Variants in EIF3A observed in about 807,000 individuals in gnomAD.
EIF3A encodes EIF3, p180 subunit.
A neutral mutation model predicts 186.6 loss-of-function variants in EIF3A; 21 were observed. The ratio of observed to expected loss-of-function variants is 0.11; its 90% CI spans 0.08 to 0.16. The LOEUF (loss-of-function observed/expected upper bound fraction) is 0.16. EIF3A is among the 10% of genes least tolerant of loss of function. The pLI, the probability that EIF3A is intolerant of heterozygous loss-of-function variation, is 1.00. For synonymous variants in EIF3A, 563 were observed against 584.3 expected, an observed-to-expected ratio of 0.96 and a Z score of 0.52; for missense variants, 1,306 against 1,796.3, an observed-to-expected ratio of 0.73 and a Z score of 4.93.
chr10:119,042,625 G>A lies in EIF3A; in HGVS notation c.2895C>T (p.Asp965=), dbSNP rs1260007611. 1 of 1,614,098 alleles carries A rather than the reference G, an allele frequency of 6.2e-7. No homozygotes were observed. The highest frequency in any genetic ancestry group is 2.2e-5 in the East Asian group (1 of 44,870). ...DRVPRRGMDD[D]RGPRRGPEED... ...CCTCAGGACCACGTCTAGGGCCTCT[G>A]TCATCATCCATGCCACGCCGGGGAA... Residue 965 remains aspartate, a synonymous_variant, in exon 19 of 22, where the codon GAC becomes GAT. Transcript: ENST00000369144. This position sits in a 1 kb window ranked among gnomAD's most constrained non-coding sequence, Gnocchi z 7.8.
Position 119,071,002 on chromosome 10 carries a change from G to C in EIF3A, c.625C>G (p.Gln209Glu), listed in dbSNP as rs1293794819. ...GCCGTACTTTGGTTATGGTGGCGCT[G>C]AATCTGCGATAAGTGCATTCTCAAA... The part of the protein sequence containing the change: ...DNLRMHLSQI[Q>E]RHHNQSTAIN... The change falls in exon 5 of 22, where the codon CAG becomes GAG. Residue 209 changes from glutamine to glutamate, a missense_variant. Transcript: ENST00000369144. 2 of 1,614,062 alleles carry C rather than the reference G, an allele frequency of 1.2e-6. No homozygotes were observed. Among genetic ancestry groups the C allele is most frequent in the Non-Finnish European group, 1.7e-6 (2 of 1,179,898 alleles).
chr10:119,059,736 G>C lies in EIF3A; in HGVS notation c.1327-18C>G. On this transcript the variant is annotated intron_variant, in intron 9 of 21. Coordinates refer to ENST00000369144, the MANE Select transcript of EIF3A (RefSeq NM_003750.4). ...TGTGACACCTGCATAGAAAACAAAG[G>C]GTTAATAACACTAGCCACTGTTTAT... 6.6e-7 allele frequency: 1 copy of C among 1,511,316 alleles called. No individual in the cohort carries two copies. Among genetic ancestry groups the C allele is most frequent in the South Asian group, 1.1e-5 (1 of 88,764 alleles). The allele number at this position is 1,511,316 out of a possible 1,614,324, so 93.6% of individuals were successfully genotyped here.
intron 19 of EIF3A, among the ~76,000 whole-genome samples, chr10:119,039,938 A>C (rs1848185703): frequency 1.3e-5 from 2 of 152,226 alleles, no homozygotes; most frequent in Non-Finnish European, 2.9e-5. Flanking sequence ...TTACCCTAGG[A>C]ACATGAGTTC....
At chr10:119,061,165 C>A (rs1381812420) in intron 8 of EIF3A, 59 bp downstream of exon 8, 2 of 955,718 alleles carry the variant, frequency 2.1e-6, no homozygotes, top group South Asian at 1.6e-5. Context: ...GAATACAACC[C>A]AAAACTGCAA....
At position 119,042,784 on chromosome 10, in the gene EIF3A, C is replaced by G. The variant is rs777763586; in HGVS notation, c.2748-12G>C. 1.1e-5 allele frequency: 17 copies of G among 1,554,468 alleles called. No homozygotes were observed. Among genetic ancestry groups the G allele is most frequent in the Non-Finnish European group, 1.3e-5 (15 of 1,157,322 alleles). On this transcript the variant is annotated splice_polypyrimidine_tract_variant and intron_variant, in intron 18 of 21. Coordinates refer to ENST00000369144, the MANE Select transcript of EIF3A (RefSeq NM_003750.4). The surrounding 1 kb of genome is among the most constrained non-coding windows in gnomAD (Gnocchi z 7.8). Reference sequence around the variant, plus strand: ...CACGTCTCCACTCCCTACACAGCAACAAGAACAATTAAAAATATATAAAAT... The same window carrying G: ...CACGTCTCCACTCCCTACACAGCAAGAAGAACAATTAAAAATATATAAAAT...
In EIF3A at chr10:119,058,083, T is replaced by C. The variant is rs1334600633; in HGVS notation, c.1850A>G (p.Lys617Arg). ...AEEERLRQEA[K>R]EREKERILQE... ...TAAGATACGCTCCTTCTCTCTCTCCTTTGCTTCCTGGCGCAGCCTCTCTTC... is the reference window on the plus strand; with the variant it reads ...TAAGATACGCTCCTTCTCTCTCTCCCTTGCTTCCTGGCGCAGCCTCTCTTC... Residue 617 changes from lysine to arginine, a missense_variant, in exon 12 of 22, where the codon AAG becomes AGG. This residue lies in a region of EIF3A where 94 missense variants were observed against 204.9 expected (regional missense o/e 0.46). Coordinates refer to ENST00000369144, the MANE Select transcript of EIF3A (RefSeq NM_003750.4). 2 of 1,614,102 alleles carry C rather than the reference T, an allele frequency of 1.2e-6. No homozygotes were observed. Among genetic ancestry groups the C allele is most frequent in the African/African-American group, 2.7e-5 (2 of 74,946 alleles).
In EIF3A at chr10:119,042,363, C is replaced by T. The variant is rs1454714579; in HGVS notation, c.3157G>A (p.Ala1053Thr). 3 of 1,613,802 alleles carry T rather than the reference C, an allele frequency of 1.9e-6. No individual in the cohort carries two copies. The highest frequency in any genetic ancestry group is 1.7e-6 in the Non-Finnish European group (2 of 1,179,962). ...DDDRGPRRGGADDERSSWRNA... is the reference protein window; with the variant it reads ...DDDRGPRRGGTDDERSSWRNA... ...CGCCAGGATGATCGCTCATCATCAG[C>T]GCCTCCTCGCCTCGGCCCCCGGTCA... Residue 1053 changes from alanine (A) to threonine (T), a missense_variant, in exon 19 of 22, where the codon GCT becomes ACT. Coordinates refer to ENST00000369144, the MANE Select transcript of EIF3A (RefSeq NM_003750.4). This position sits in a 1 kb window ranked among gnomAD's most constrained non-coding sequence, Gnocchi z 7.8.
chr10:119,047,620 G>A (rs75156978), intron 17 of EIF3A, among the ~76,000 whole-genome samples: 3,924 of 152,198 alleles, frequency 0.026, 169 homozygotes, highest in African/African-American at 0.089. Flanking sequence ...CTAACAAGAT[G>A]TAGCAGATTT....
At chr10:119,073,170 C>CCTTTGCAGTGTGT in intron 3 of EIF3A, 117 bp from the exon 4 acceptor site, 1 of 948,844 alleles carries the variant, frequency 1.1e-6, no homozygotes, top group Non-Finnish European at 1.5e-6. Context: ...AATATGTACA[C>CCTTTGCAGTGTGT]ACTGCAAAGG....
intron 1 of EIF3A, among the ~76,000 whole-genome samples, chr10:119,075,013 G>A (rs1489491880): frequency 2.6e-5 from 3 of 116,704 alleles, no homozygotes; most frequent in East Asian, 2.6e-4. Context: ...ATGGAATCTC[G>A]CTGTGTCGCC....
intron 14 of EIF3A, among the ~76,000 whole-genome samples, chr10:119,056,079 C>T (rs891129016): frequency 2.6e-5 from 4 of 152,198 alleles, no homozygotes; most frequent in Non-Finnish European, 5.9e-5. Context: ...CTATCACACC[C>T]TACACCGATG....
At chr10:119,076,594 T>C (rs894997442) in intron 1 of EIF3A, among the ~76,000 whole-genome samples, 2 of 152,088 alleles carry the variant, frequency 1.3e-5, no homozygotes, top group Admixed American at 6.6e-5. Flanking sequence ...GGAAAAAACT[T>C]GCAGTCTTCT....
chr10:119,080,688 G>A lies in EIF3A; in HGVS notation c.-12C>T, dbSNP rs530745111. ...AAATAGGCCGGCATCTTGGCGGCAG[G>A]CTCAGCTCACCCGGCGTCAGCGAAC... On this transcript the variant is annotated 5_prime_UTR_variant, in exon 1 of 22. Coordinates refer to ENST00000369144, the MANE Select transcript of EIF3A (RefSeq NM_003750.4). 48 of 1,590,976 alleles carry A rather than the reference G, an allele frequency of 3.0e-5. No individual in the cohort carries two copies. In the Admixed American group the frequency reaches 7.4e-4, roughly 25 times the overall value.
chr10:119,074,453 G>A (rs1384263904), intron 1 of EIF3A, among the ~76,000 whole-genome samples: 4 of 129,690 alleles, frequency 3.1e-5, no homozygotes, highest in Non-Finnish European at 3.3e-5. Context: ...TGACAAGAGC[G>A]AAATTCCGTG....
chr10:119,046,644 G>GT (rs1564750694), intron 17 of EIF3A, among the ~76,000 whole-genome samples: 1 of 152,190 alleles, frequency 6.6e-6, no homozygotes, highest in African/African-American at 2.4e-5. Context: ...TACTGTGGAA[G>GT]TTTTTTTAAA....
chr10:119,053,444 G>A (rs970616951), intron 14 of EIF3A, among the ~76,000 whole-genome samples: 1 of 151,582 alleles, frequency 6.6e-6, no homozygotes, highest in Non-Finnish European at 1.5e-5. Flanking sequence ...GGGCACCATG[G>A]CTCACCCCTG....
In EIF3A at chr10:119,033,778, C is replaced by T. The variant is rs938155208; in HGVS notation, c.*2261G>A. The T allele has an allele frequency of 6.0e-6, 1 of 166,726 alleles. No individual in the cohort carries two copies. The highest frequency in any genetic ancestry group is 1.5e-5 in the Non-Finnish European group (1 of 68,100). The allele number at this position is 166,726 out of a possible 1,614,324, so 10.3% of individuals were successfully genotyped here. On this transcript the variant is annotated 3_prime_UTR_variant, in exon 22 of 22. Transcript: ENST00000369144. ...AGTTTGTTAGTCCTGATTTTCTAAT[C>T]GTAGCCACTCAAGGAACAGTCCTTT...
chr10:119,070,805 A>G (rs536515980), intron 5 of EIF3A, 81 bp downstream of exon 5: 1 of 968,432 alleles, frequency 1.0e-6, no homozygotes, highest in South Asian at 1.4e-5. Flanking sequence ...ATGCATACCA[A>G]GATGAAGCTA....
chr10:119,041,114 G>A (rs1848202722), intron 19 of EIF3A, among the ~76,000 whole-genome samples: 1 of 151,874 alleles, frequency 6.6e-6, no homozygotes, highest in South Asian at 2.1e-4. Context: ...GGAGGCAGAG[G>A]TTGCAGTGAG....
Sources: allele counts gnomAD v4.1 joint callset (sites outside exome capture counted in the v4.1 genomes callset), GRCh38; gene constraint gnomAD v4.1.1; regional missense constraint gnomAD v4.1.1; non-coding constraint Gnocchi (gnomAD v3.1); transcripts MANE v1.5; gene names NCBI Gene and HGNC (gene_info 2026-07-23, HGNC 2026-07-21).